The following RBSN variants were observed in gnomAD, a reference collection of about 807,000 sequenced individuals.
RBSN encodes rabenosyn-5.
A neutral mutation model predicts 60.5 loss-of-function variants in RBSN; 34 were observed. The ratio of observed to expected loss-of-function variants is 0.56; its 90% confidence interval spans 0.43 to 0.75. RBSN has a LOEUF of 0.75. RBSN is among the 30% of genes least tolerant of loss of function. The pLI, the probability that RBSN is intolerant of heterozygous loss-of-function variation, is 0.00. For missense variants in RBSN, 845 were observed against 986.8 expected (o/e 0.86, Z 1.92); for synonymous variants, 322 against 366.9 (o/e 0.88, Z 1.40).
At position 15,077,188 on chromosome 3, in the gene RBSN, T is replaced by A. The variant is rs1289960174; in HGVS notation, c.999-24A>T. ...TACTGAATTGGAACAAACACATGAA[T>A]ATAATGAGCACTGCCAGCTTCAGAA... On this transcript the variant is annotated intron_variant, in intron 11 of 13. Transcript: ENST00000253699. This position sits in a 1 kb window ranked among gnomAD's most constrained non-coding sequence, Gnocchi z 4.4. 1 of 1,589,816 alleles carries A rather than the reference T, an allele frequency of 6.3e-7. No homozygotes were observed. The highest frequency in any genetic ancestry group is 2.2e-5 in the East Asian group (1 of 44,760).
At position 15,096,147 on chromosome 3, in the gene RBSN, G is replaced by A; in HGVS notation, c.-27C>T. 6.5e-7 allele frequency: 1 copy of A among 1,530,864 alleles called. No homozygotes were observed. The highest frequency in any genetic ancestry group is 8.7e-7 in the Non-Finnish European group (1 of 1,142,858). The allele number at this position is 1,530,864 out of a possible 1,614,324, so 94.8% of individuals were successfully genotyped here. A position where few individuals can be genotyped will look rare whatever the true frequency, so the allele number is the denominator to read the frequency against. On this transcript the variant is annotated 5_prime_UTR_variant, in exon 4 of 14. Coordinates refer to ENST00000253699, the MANE Select transcript of RBSN (RefSeq NM_022340.4). ...GCAGTGCCGCTCTCAACCCTAGGAA[G>A]GCAGGAATCTCATGCCAAGAGTCAG...
intron 5 of RBSN, 106 bp from the exon 6 acceptor site, chr3:15,086,067 A>G (rs892894968): frequency 7.2e-6 from 4 of 551,986 alleles, no homozygotes; most frequent in East Asian, 3.2e-5. Flanking sequence ...AGGTTGGTCA[A>G]CATAGCGAGA....
Position 15,082,456 on chromosome 3 carries a change from A to G in RBSN, c.751T>C (p.Cys251Arg). ...AGCGTGTCCTTGCAGTGTGTACAGC[A>G]GCGGATCCGGTCATCGTCCTTCTCA... ...LDEKDDDRIR[C>R]CTHCKDTLLK... Residue 251 changes from cysteine (C) to arginine (R), a missense_variant, in exon 9 of 14, where the codon TGC (cysteine) becomes CGC (arginine). Coordinates refer to ENST00000253699, the MANE Select transcript of RBSN (RefSeq NM_022340.4). This position sits in a 1 kb window ranked among gnomAD's most constrained non-coding sequence, Gnocchi z 4.2. The G allele has an allele frequency of 6.2e-7, 1 of 1,614,154 alleles. No homozygotes were observed. Among genetic ancestry groups the G allele is most frequent in the Non-Finnish European group, 8.5e-7 (1 of 1,180,016 alleles).
chr3:15,096,763 AC>A (rs2043670529), intron 2 of RBSN, 53 bp from the exon 3 acceptor site: 1 of 152,262 alleles, frequency 6.6e-6, no homozygotes, highest in Admixed American at 6.5e-5. Context: ...ATAAAAACAT[AC>A]AAAAAATCAA....
intron 2 of RBSN, among the ~76,000 whole-genome samples, chr3:15,097,119 C>A (rs1037012112): frequency 7.9e-5 from 12 of 152,120 alleles, no homozygotes; most frequent in African/African-American, 2.7e-4. Context: ...CTGAGCCCCC[C>A]CAAACTGCTG....
At position 15,082,274 on chromosome 3, in the gene RBSN, C is replaced by G. The variant is rs2043222363; in HGVS notation, c.840+93G>C. ...TACAAATAATTCAAACGAACAACTT[C>G]CCAAAGCATTCTCCAGAATCTGCAG... On this transcript the variant is annotated intron_variant, in intron 9 of 13. Transcript: ENST00000253699. The surrounding 1 kb of genome is among the most constrained non-coding windows in gnomAD (Gnocchi z 4.2). The G allele has an allele frequency of 6.6e-7, 1 of 1,507,354 alleles. No individual in the cohort carries two copies. The highest frequency in any genetic ancestry group is 1.4e-5 in the African/African-American group (1 of 72,710). The allele number at this position is 1,507,354 out of a possible 1,614,324, so 93.4% of individuals were successfully genotyped here.
chr3:15,086,941 G>A (rs1263647223), intron 5 of RBSN, among the ~76,000 whole-genome samples: 1 of 152,024 alleles, frequency 6.6e-6, no homozygotes, highest in Non-Finnish European at 1.5e-5. Flanking sequence ...CAACCCTCCC[G>A]GCACTCAGTG....
rs1400191417 is a variant in RBSN, at chr3:15,072,621, G to A, written c.*1161C>T. 6.6e-6 allele frequency: 1 copy of A among 152,190 alleles called. No homozygotes were observed. The highest frequency in any genetic ancestry group is 1.5e-5 in the Non-Finnish European group (1 of 68,028). 9.4% of individuals were successfully genotyped at this position (152,190 alleles called of 1,614,324 possible). On this transcript the variant is annotated 3_prime_UTR_variant, in exon 14 of 14. Coordinates refer to ENST00000253699, the MANE Select transcript of RBSN (RefSeq NM_022340.4). ...GAGTAACTTTGCCAAAGCTCTGGAG[G>A]GAGATTTCTCCAGTGACAGACAATT...
rs562106564 is a variant in RBSN, at chr3:15,082,890, C to T, written c.599-282G>A. Reference sequence around the variant, plus strand: ...AACAAACATTCTCCCAGGAGACTTTCCTCCACAGCCTTCTCCCTATTCCCA... The same window carrying T: ...AACAAACATTCTCCCAGGAGACTTTTCTCCACAGCCTTCTCCCTATTCCCA... On this transcript the variant is annotated intron_variant, in intron 8 of 13. Coordinates refer to ENST00000253699, the MANE Select transcript of RBSN (RefSeq NM_022340.4). The surrounding 1 kb of genome is among the most constrained non-coding windows in gnomAD (Gnocchi z 4.2). 6.6e-6 allele frequency among the ~76,000 whole-genome samples: 1 copy of T among 152,284 alleles called. No individual in the cohort carries two copies. Among genetic ancestry groups the T allele is most frequent in the South Asian group, 2.1e-4 (1 of 4,818 alleles).
intron 10 of RBSN, among the ~76,000 whole-genome samples, chr3:15,078,778 ACATATATATATATATATAT>A (rs1559342763): frequency 1.1e-3 from 39 of 35,800 alleles, no homozygotes; most frequent in Non-Finnish European, 1.6e-3. Flanking sequence ...AAAAAAAAAT[ACATATATATATATATATAT>A]ATATATATAT....
chr3:15,074,445 C>G lies in RBSN; in HGVS notation c.1692G>C (p.Glu564Asp). The G allele has an allele frequency of 2.5e-6, 4 of 1,614,172 alleles. No individual in the cohort carries two copies. The highest frequency in any genetic ancestry group is 3.4e-6 in the Non-Finnish European group (4 of 1,180,022). ...AAGCATAAGCAAGGTGGGTGCGAGG[C>G]TCTCTGCTGGGCTCCAGCTGAAAAG... Reference protein sequence around the residue: ...IGPFQLEPSREPRTHLAYALD... With the variant: ...IGPFQLEPSRDPRTHLAYALD... The change falls in exon 14 of 14, where the codon GAG becomes GAC. Residue 564 changes from glutamate (E) to aspartate (D), a missense_variant. Transcript: ENST00000253699. The surrounding 1 kb of genome is among the most constrained non-coding windows in gnomAD (Gnocchi z 6.4).
intron 10 of RBSN, 113 bp downstream of exon 10, chr3:15,080,619 A>G: frequency 1.9e-6 from 2 of 1,079,248 alleles, no homozygotes; most frequent in Non-Finnish European, 2.8e-6. Flanking sequence ...AGCTGGTCTC[A>G]GAAAAAAAGC....
chr3:15,080,193 C>G (rs1010898269), intron 10 of RBSN, among the ~76,000 whole-genome samples: 3 of 150,410 alleles, frequency 2.0e-5, no homozygotes, highest in African/African-American at 7.3e-5. Flanking sequence ...CACAGTGAGC[C>G]GAGATCACGC....
At chr3:15,080,324 A>T (rs1273240554) in intron 10 of RBSN, among the ~76,000 whole-genome samples, 1 of 151,850 alleles carries the variant, frequency 6.6e-6, no homozygotes, top group Non-Finnish European at 1.5e-5. Flanking sequence ...TCTAATGGTC[A>T]TGCCTGCTTT....
chr3:15,078,824 A>ATATATATATG (rs3042372), intron 10 of RBSN, among the ~76,000 whole-genome samples: 1 of 100,428 alleles, frequency 1.0e-5, no homozygotes, highest in African/African-American at 3.5e-5. Context: ...ATATATATAT[A>ATATATATATG]CATGGTTTTG....
At position 15,071,912 on chromosome 3, in the gene RBSN, T is replaced by C. The variant is rs1464184085; in HGVS notation, c.*1870A>G. The C allele has an allele frequency of 1.3e-5, 2 of 152,630 alleles. No homozygotes were observed. Among genetic ancestry groups the C allele is most frequent in the African/African-American group, 4.8e-5 (2 of 41,456 alleles). The allele number at this position is 152,630 out of a possible 1,614,324, so 9.5% of individuals were successfully genotyped here. Reference sequence around the variant, plus strand: ...AACTCTACCCAGAGCTGAGCACATATGGCTATCATGATGTCAGATGTCAGT... The same window carrying C: ...AACTCTACCCAGAGCTGAGCACATACGGCTATCATGATGTCAGATGTCAGT... On this transcript the variant is annotated 3_prime_UTR_variant, in exon 14 of 14. Coordinates refer to ENST00000253699, the MANE Select transcript of RBSN (RefSeq NM_022340.4).
Position 15,073,350 on chromosome 3 carries a change from G to C in RBSN, c.*432C>G, listed in dbSNP as rs2042964117. 6.1e-6 allele frequency: 1 copy of C among 163,664 alleles called. No individual in the cohort carries two copies. The allele number at this position is 163,664 out of a possible 1,614,324, so 10.1% of individuals were successfully genotyped here. On this transcript the variant is annotated 3_prime_UTR_variant, in exon 14 of 14. Coordinates refer to ENST00000253699, the MANE Select transcript of RBSN (RefSeq NM_022340.4). ...TCTATCTTCTCTGTCTTGGCTAAAG[G>C]AAGGGCTCTAAAAAGGCTGCCCTAT...
In RBSN at chr3:15,082,448, T is replaced by G. The variant is rs776593535; in HGVS notation, c.759A>C (p.Thr253=). 4 of 1,614,048 alleles carry G rather than the reference T, an allele frequency of 2.5e-6. No individual in the cohort carries two copies. The South Asian group carries it at 3.3e-5, about 13-fold the overall frequency. The change falls in exon 9 of 14, where the codon ACA becomes ACC. Residue 253 remains threonine, a synonymous_variant. Transcript: ENST00000253699. This position sits in a 1 kb window ranked among gnomAD's most constrained non-coding sequence, Gnocchi z 4.2. ...TCTTGAGCAGCGTGTCCTTGCAGTGTGTACAGCAGCGGATCCGGTCATCGT... is the reference window on the plus strand; with the variant it reads ...TCTTGAGCAGCGTGTCCTTGCAGTGGGTACAGCAGCGGATCCGGTCATCGT... ...EKDDDRIRCC[T]HCKDTLLKRE... is the part of the protein sequence containing the mutation.
chr3:15,081,549 G>A (rs1315800374), intron 9 of RBSN: 5 of 152,318 alleles, frequency 3.3e-5, no homozygotes, highest in Non-Finnish European at 7.3e-5. Context: ...GGGCTTAATT[G>A]ACACCATTTC....
Sources: allele counts gnomAD v4.1 joint callset (sites outside exome capture counted in the v4.1 genomes callset), GRCh38; gene constraint gnomAD v4.1.1; non-coding constraint Gnocchi (gnomAD v3.1); transcripts MANE v1.5; gene names NCBI Gene and HGNC (gene_info 2026-07-23, HGNC 2026-07-21).